ZNRF2: variants seen among roughly 807,000 people sequenced by gnomAD.
ZNRF2 encodes the protein E3 ubiquitin-protein ligase ZNRF2.
A neutral mutation model predicts 20.4 loss-of-function variants in ZNRF2; 16 were observed. That is an observed-to-expected ratio of 0.79 (90% CI 0.53 to 1.19). ZNRF2 has a LOEUF of 1.19. Ranked by LOEUF, ZNRF2 falls within the 50% of genes most tolerant of loss-of-function variation. The pLI, the probability that ZNRF2 is intolerant of heterozygous loss-of-function variation, is 0.00. For missense variants in ZNRF2, 363 were observed against 332.4 expected, an observed-to-expected ratio of 1.09 and a Z score of -0.72; for synonymous variants, 178 against 144.9, an observed-to-expected ratio of 1.23 and a Z score of -1.64.
chr7:30,291,694 C>G (rs1417201860), intron 1 of ZNRF2, among the ~76,000 whole-genome samples: 4 of 152,130 alleles, frequency 2.6e-5, no homozygotes, highest in Non-Finnish European at 5.9e-5. Context: ...GGATTTTCAT[C>G]TGGATAGAAG....
At chr7:30,305,336 C>T (rs1266323485) in intron 1 of ZNRF2, among the ~76,000 whole-genome samples, 1 of 152,136 alleles carries the variant, frequency 6.6e-6, no homozygotes. Flanking sequence ...GCATTCTAAT[C>T]TTACGTAAAG....
intron 1 of ZNRF2, among the ~76,000 whole-genome samples, chr7:30,303,944 G>T (rs1583571526): frequency 6.6e-6 from 1 of 152,110 alleles, no homozygotes; most frequent in Admixed American, 6.6e-5. Flanking sequence ...TCTATTTGTG[G>T]TTCCAGATTC....
At chr7:30,330,795 T>A (rs80093198) in intron 2 of ZNRF2, among the ~76,000 whole-genome samples, 5,029 of 152,072 alleles carry the variant, frequency 0.033, 322 homozygotes, top group African/African-American at 0.11. Flanking sequence ...ACTTGCCAGC[T>A]ACTAAGCAGA....
At chr7:30,364,732 C>CAAAGTA (rs1441143836) in intron 4 of ZNRF2, among the ~76,000 whole-genome samples, 2 of 152,084 alleles carry the variant, frequency 1.3e-5, no homozygotes, top group African/African-American at 4.8e-5. Flanking sequence ...TTTTACATGC[C>CAAAGTA]AAAGTAATAC....
intron 1 of ZNRF2, among the ~76,000 whole-genome samples, chr7:30,320,274 G>A (rs1367682175): frequency 2.0e-5 from 3 of 151,760 alleles, no homozygotes; most frequent in South Asian, 2.1e-4. Context: ...ATAATTTATC[G>A]ATACATACAT....
intron 1 of ZNRF2, among the ~76,000 whole-genome samples, chr7:30,294,600 T>A (rs1045428365): frequency 6.6e-6 from 1 of 152,056 alleles, no homozygotes; most frequent in African/African-American, 2.4e-5. Context: ...CTGGACAACA[T>A]GGTGAAACCC....
chr7:30,316,256 C>CCAG (rs1799372809), intron 1 of ZNRF2, among the ~76,000 whole-genome samples: 1 of 127,592 alleles, frequency 7.8e-6, no homozygotes, highest in Admixed American at 9.4e-5. Context: ...CCACTGTACT[C>CCAG]CAGCCTGGGC....
In ZNRF2 at chr7:30,285,387, CG is replaced by C; in HGVS notation, c.31del (p.Ala11LeufsTer132). 8.0e-7 allele frequency: 1 copy of C among 1,242,976 alleles called. No individual in the cohort carries two copies. The highest frequency in any genetic ancestry group is 1.0e-6 in the Non-Finnish European group (1 of 976,496). 77.0% of individuals were successfully genotyped at this position (1,242,976 alleles called of 1,614,324 possible). A position where few individuals can be genotyped will look rare whatever the true frequency, so the allele number is the denominator to read the frequency against. The part of the protein sequence containing the change: MGAKQSGPAA[A>X]NGRTRAYSGS... ...GCGCCAAACAGAGCGGCCCGGCCGC[CG>C]CTAACGGCCGCACGCGCGCGTACTC... On this transcript the variant is annotated frameshift_variant, in exon 1 of 5. Transcript: ENST00000323037. LOFTEE classifies it high-confidence loss of function.
intron 1 of ZNRF2, among the ~76,000 whole-genome samples, chr7:30,316,319 A>AC (rs1799375795): frequency 1.4e-5 from 2 of 148,020 alleles, no homozygotes; most frequent in Non-Finnish European, 3.0e-5. Context: ...AAAAAAAAAA[A>AC]AGAATTGTCA....
intron 2 of ZNRF2, among the ~76,000 whole-genome samples, chr7:30,327,793 C>G (rs113491296): frequency 0.01 from 1,540 of 152,070 alleles, 30 homozygotes; most frequent in African/African-American, 0.036. Context: ...CCTCAAACTC[C>G]TGGGCACAAG....
At chr7:30,360,063 C>T (rs750874027) in intron 3 of ZNRF2, among the ~76,000 whole-genome samples, 4 of 152,214 alleles carry the variant, frequency 2.6e-5, no homozygotes, top group Non-Finnish European at 5.9e-5. Context: ...GTGTGGAGTA[C>T]ATATTCTACA....
At chr7:30,344,609 A>G (rs1222111020) in intron 2 of ZNRF2, among the ~76,000 whole-genome samples, 2 of 152,086 alleles carry the variant, frequency 1.3e-5, no homozygotes, top group Non-Finnish European at 2.9e-5. Context: ...TGCTAGGTAG[A>G]TACTTTATAC....
chr7:30,358,461 G>A (rs904553488), intron 3 of ZNRF2, among the ~76,000 whole-genome samples: 1 of 152,162 alleles, frequency 6.6e-6, no homozygotes, highest in Non-Finnish European at 1.5e-5. Flanking sequence ...GAAAGACTCA[G>A]TGTCATAATG....
In ZNRF2 at chr7:30,316,654, G is replaced by A. The variant is rs563741586; in HGVS notation, c.470-6988G>A. ...AGATATTTTTGTCCTTTATTAAGTC[G>A]CTGTCATTTTTAAGTGTATAGATTT... On this transcript the variant is annotated intron_variant, in intron 1 of 4. Transcript: ENST00000323037. Among the ~76,000 whole-genome samples the A allele has an allele frequency of 1.2e-3, 178 of 152,128 alleles. 1 individual carries two copies. The highest frequency in any genetic ancestry group is 4.1e-3 in the African/African-American group (169 of 41,500).
chr7:30,285,945 T>G, intron 1 of ZNRF2, 119 bp downstream of exon 1: 1 of 1,323,108 alleles, frequency 7.6e-7, no homozygotes, highest in Non-Finnish European at 9.6e-7. Context: ...GGGGGCTGCC[T>G]CCCGGACCAG....
intron 2 of ZNRF2, among the ~76,000 whole-genome samples, chr7:30,345,872 A>G (rs1175381566): frequency 6.6e-6 from 1 of 152,170 alleles, no homozygotes; most frequent in African/African-American, 2.4e-5. Context: ...TAGTTGCGTT[A>G]CAGTTCCAGA....
intron 1 of ZNRF2, among the ~76,000 whole-genome samples, 177 bp downstream of exon 1, chr7:30,286,003 G>C (rs565400414): frequency 6.6e-6 from 1 of 152,224 alleles, no homozygotes; most frequent in Non-Finnish European, 1.5e-5. Context: ...TAACACCGGC[G>C]GTGCCGCTAC....
At chr7:30,300,240 G>A (rs969091844) in intron 1 of ZNRF2, among the ~76,000 whole-genome samples, 2 of 145,350 alleles carry the variant, frequency 1.4e-5, no homozygotes, top group South Asian at 2.2e-4. Context: ...CCTCTGTCTC[G>A]TGGGTTCAAG....
chr7:30,346,231 T>C (rs1160005276), intron 2 of ZNRF2, among the ~76,000 whole-genome samples: 2 of 140,080 alleles, frequency 1.4e-5, no homozygotes, highest in Non-Finnish European at 3.0e-5. Flanking sequence ...TTTGCTCTTG[T>C]TGCCCAGGCT....
Sources: allele counts gnomAD v4.1 joint callset (sites outside exome capture counted in the v4.1 genomes callset), GRCh38; gene constraint gnomAD v4.1.1; transcripts MANE v1.5; gene names NCBI Gene and HGNC (gene_info 2026-07-23, HGNC 2026-07-21).